CUX2: variants seen among roughly 807,000 people sequenced by gnomAD.
The protein encoded by CUX2 is cut like homeobox 2.
Under a neutral mutation model 144.8 loss-of-function variants are expected in CUX2, and 40 were observed. That is an observed-to-expected ratio of 0.28 (90% CI 0.21 to 0.36). CUX2 has a LOEUF of 0.36. Ranked by LOEUF, CUX2 falls within the 10% of genes least tolerant of loss-of-function variation. The pLI is 1.00. For missense variants in CUX2, 1,615 were observed against 1,994.0 expected (o/e 0.81, Z 3.62); for synonymous variants, 827 against 875.6 (o/e 0.94, Z 0.98).
chr12:111,234,288 G>C (rs577960323), intron 3 of CUX2, among the ~76,000 whole-genome samples: 4 of 152,140 alleles, frequency 2.6e-5, no homozygotes, highest in Non-Finnish European at 4.4e-5. Flanking sequence ...AACCCAAGAG[G>C]CCTGCCAAAT....
intron 3 of CUX2, among the ~76,000 whole-genome samples, chr12:111,218,156 T>A (rs899345775): frequency 2.0e-5 from 3 of 152,174 alleles, no homozygotes; most frequent in Non-Finnish European, 2.9e-5. Context: ...TCAAGTCTGA[T>A]CCCAAGAAAT....
At chr12:111,266,804 G>A (rs1319671219) in intron 4 of CUX2, among the ~76,000 whole-genome samples, 4 of 152,222 alleles carry the variant, frequency 2.6e-5, no homozygotes, top group Non-Finnish European at 4.4e-5. Context: ...CTCCGACAGC[G>A]TGTGGCCTGG....
intron 3 of CUX2, among the ~76,000 whole-genome samples, chr12:111,220,247 T>C (rs1409848375): frequency 6.6e-6 from 1 of 152,180 alleles, no homozygotes; most frequent in Non-Finnish European, 1.5e-5. Context: ...TGAGAAGTCT[T>C]GGATATTTTA....
intron 1 of CUX2, among the ~76,000 whole-genome samples, chr12:111,094,488 GC>G (rs1254138374): frequency 3.3e-5 from 5 of 152,236 alleles, no homozygotes; most frequent in Non-Finnish European, 7.3e-5. Flanking sequence ...ACAGCACCTA[GC>G]TTTTGGCAGC....
Position 111,152,022 on chromosome 12 carries a change from C to T in CUX2, c.64-62178C>T, listed in dbSNP as rs148353650. Among the ~76,000 whole-genome samples the T allele has an allele frequency of 4.9e-4, 74 of 152,298 alleles. 1 individual carries two copies. The East Asian group carries it at 8.5e-3, about 17-fold the overall frequency. ...GACTCAAGGCCGGTGCGATGGCTCA[C>T]ACCTGTAACCCCAGCACTTTGGGAG... On this transcript the variant is annotated intron_variant, in intron 1 of 21. Transcript: ENST00000261726.
At chr12:111,336,534 G>A (rs138828004) in intron 19 of CUX2, among the ~76,000 whole-genome samples, 2,555 of 151,250 alleles carry the variant, frequency 0.017, 77 homozygotes, top group East Asian at 0.12. Context: ...TGCAACCTCC[G>A]CCTCCCAGGT....
At chr12:111,038,295 A>G (rs1869558661) in intron 1 of CUX2, among the ~76,000 whole-genome samples, 1 of 152,256 alleles carries the variant, frequency 6.6e-6, no homozygotes, top group Non-Finnish European at 1.5e-5. Flanking sequence ...CAATGTGTCA[A>G]AATTCCTCTT....
intron 1 of CUX2, among the ~76,000 whole-genome samples, chr12:111,136,898 T>C (rs533043058): frequency 6.6e-6 from 1 of 152,120 alleles, no homozygotes; most frequent in African/African-American, 2.4e-5. Context: ...GGAGAGTGTA[T>C]GTGTCAAGAT....
At position 111,307,683 on chromosome 12, in the gene CUX2, T is replaced by G. The variant is rs1170916992; in HGVS notation, c.1109+426T>G. ...CTGCACTCCAGCCTGGACAACACAGTGAGACCCTGTCTCAAAAACAAAACG... is the reference window on the plus strand; with the variant it reads ...CTGCACTCCAGCCTGGACAACACAGGGAGACCCTGTCTCAAAAACAAAACG... On this transcript the variant is annotated intron_variant, in intron 12 of 21. Coordinates refer to ENST00000261726, the MANE Select transcript of CUX2 (RefSeq NM_015267.4). This position sits in a 1 kb window ranked among gnomAD's most constrained non-coding sequence, Gnocchi z 4.1. Among the ~76,000 whole-genome samples, 1 of 152,130 alleles carries G rather than the reference T, an allele frequency of 6.6e-6. No homozygotes were observed. The highest frequency in any genetic ancestry group is 1.5e-5 in the Non-Finnish European group (1 of 68,014).
Position 111,304,062 on chromosome 12 carries a change from T to C in CUX2, c.754-148T>C. On this transcript the variant is annotated intron_variant, in intron 9 of 21. Transcript: ENST00000261726. This position sits in a 1 kb window ranked among gnomAD's most constrained non-coding sequence, Gnocchi z 4.7. ...GACAGGGCTCTGTGACTGGTCTTCA[T>C]AGCTCCAGGACAGGGTCCGGGACTA... is the stretch of plus-strand genomic sequence containing the variant. 3 of 611,490 alleles carry C rather than the reference T, an allele frequency of 4.9e-6. No individual in the cohort carries two copies. In the South Asian group the frequency reaches 6.0e-5, roughly 12 times the overall value. 37.9% of individuals were successfully genotyped at this position (611,490 alleles called of 1,614,324 possible).
At chr12:111,165,915 G>T (rs777675042) in intron 1 of CUX2, among the ~76,000 whole-genome samples, 1 of 152,204 alleles carries the variant, frequency 6.6e-6, no homozygotes, top group Non-Finnish European at 1.5e-5. Context: ...GTGTTTGGTG[G>T]TGGTGATTAC....
At chr12:111,296,563 A>C in intron 8 of CUX2, 24 bp downstream of exon 8, 1 of 1,600,340 alleles carries the variant, frequency 6.2e-7, no homozygotes, top group Non-Finnish European at 8.5e-7. Context: ...GCTGAGGTGT[A>C]CCTCCTCCCT....
At chr12:111,251,565 A>T (rs1221963090) in intron 3 of CUX2, among the ~76,000 whole-genome samples, 2 of 152,054 alleles carry the variant, frequency 1.3e-5, no homozygotes, top group East Asian at 3.9e-4. Context: ...ACGGAACACC[A>T]CTCGCGGTAT....
chr12:111,265,653 C>T (rs1884349054), intron 4 of CUX2, among the ~76,000 whole-genome samples: 1 of 152,000 alleles, frequency 6.6e-6, no homozygotes, highest in South Asian at 2.1e-4. Context: ...AAAACTTTCC[C>T]TTGTTTTAAA....
chr12:111,238,076 A>G (rs1882846459), intron 3 of CUX2, among the ~76,000 whole-genome samples: 1 of 152,138 alleles, frequency 6.6e-6, no homozygotes, highest in Non-Finnish European at 1.5e-5. Context: ...CCTAACACCT[A>G]CGTGTCTTTC....
intron 1 of CUX2, among the ~76,000 whole-genome samples, chr12:111,121,369 C>CTTTTTTCTTTTTTTTTTTTTTTTT (rs1874660146): frequency 1.7e-5 from 1 of 59,038 alleles, no homozygotes; most frequent in African/African-American, 5.4e-5. Context: ...TTTCTTTTTT[C>CTTTTTTCTTTTTTTTTTTTTTTTT]TTTTTTTTTT....
At chr12:111,144,321 A>G (rs1030742544) in intron 1 of CUX2, among the ~76,000 whole-genome samples, 2 of 152,116 alleles carry the variant, frequency 1.3e-5, no homozygotes, top group Non-Finnish European at 2.9e-5. Context: ...ACCCCCAGAC[A>G]CCCACGCTGC....
intron 1 of CUX2, among the ~76,000 whole-genome samples, chr12:111,148,990 C>A (rs1166086853): frequency 6.6e-6 from 1 of 152,032 alleles, no homozygotes; most frequent in Non-Finnish European, 1.5e-5. Context: ...GAGCGAGACC[C>A]TGCCTCTAAG....
At chr12:111,041,666 G>A (rs976610131) in intron 1 of CUX2, among the ~76,000 whole-genome samples, 1 of 152,234 alleles carries the variant, frequency 6.6e-6, no homozygotes, top group Non-Finnish European at 1.5e-5. Flanking sequence ...CTGTGGGCAG[G>A]TCCAATGGAG....
Sources: gnomAD v4.1 joint callset for allele counts (sites outside exome capture counted in the v4.1 genomes callset) on GRCh38, gnomAD v4.1.1 for gene constraint, Gnocchi (gnomAD v3.1) non-coding constraint, MANE v1.5 for transcripts, NCBI Gene and HGNC (gene_info 2026-07-23, HGNC 2026-07-21) for gene names.